The following GRM7 variants were observed in gnomAD, a reference collection of about 807,000 sequenced individuals.
The protein encoded by GRM7 is metabotropic glutamate receptor 7.
A neutral mutation model predicts 84.5 loss-of-function variants in GRM7; 35 were observed. The ratio of observed to expected loss-of-function variants is 0.41; its 90% CI spans 0.32 to 0.55. GRM7 has a LOEUF of 0.55. Among genes scored for constraint, GRM7 ranks in the 20% least tolerant of loss-of-function variants. GRM7 has a pLI of 0.19. For missense variants in GRM7, 1,003 were observed against 1,194.6 expected (o/e 0.84, Z 2.36); for synonymous variants, 487 against 455.1 (o/e 1.07, Z -0.89).
chr3:7,686,616 G>T (rs191907921), intron 9 of GRM7, among the ~76,000 whole-genome samples: 135 of 152,132 alleles, frequency 8.9e-4, no homozygotes, highest in African/African-American at 3.0e-3. Context: ...GCTGCCATTG[G>T]TCATATGCCT....
chr3:7,298,877 G>C (rs916839812), intron 3 of GRM7, 52 bp downstream of exon 3: 11 of 1,485,026 alleles, frequency 7.4e-6, no homozygotes, highest in Non-Finnish European at 1.0e-5. Context: ...TTTTAGGAGA[G>C]AGAAAGATTA....
intron 8 of GRM7, among the ~76,000 whole-genome samples, chr3:7,651,312 CA>C (rs1400534028): frequency 6.6e-6 from 1 of 152,202 alleles, no homozygotes; most frequent in Non-Finnish European, 1.5e-5. Flanking sequence ...CTTCCAAATG[CA>C]TCCTGTAAGC....
At chr3:7,542,556 T>G in intron 7 of GRM7, among the ~76,000 whole-genome samples, 1 of 151,462 alleles carries the variant, frequency 6.6e-6, no homozygotes, top group South Asian at 2.1e-4. Context: ...TAGCAATTTT[T>G]TTTTTTTTTT....
At chr3:7,526,350 G>A (rs61507150) in intron 7 of GRM7, among the ~76,000 whole-genome samples, 15,709 of 152,000 alleles carry the variant, frequency 0.1, 1,169 homozygotes, top group African/African-American at 0.21. Context: ...CTTCTTTTAA[G>A]AAGTGTCTGT....
intron 2 of GRM7, among the ~76,000 whole-genome samples, chr3:7,149,363 A>G (rs1694207154): frequency 6.6e-6 from 1 of 152,212 alleles, no homozygotes. Context: ...CACACATCCC[A>G]TGACCTCTAA....
At chr3:7,629,262 T>C (rs1331252565) in intron 8 of GRM7, among the ~76,000 whole-genome samples, 3 of 152,082 alleles carry the variant, frequency 2.0e-5, no homozygotes, top group Non-Finnish European at 4.4e-5. Context: ...GTAGGTAGAG[T>C]TGTATATTAG....
chr3:7,233,256 C>T (rs1403655627), intron 2 of GRM7, among the ~76,000 whole-genome samples: 1 of 152,070 alleles, frequency 6.6e-6, no homozygotes, highest in Non-Finnish European at 1.5e-5. Flanking sequence ...CTGCTTATTG[C>T]AGCTTTCCAA....
chr3:7,216,893 G>A (rs1696632672), intron 2 of GRM7, among the ~76,000 whole-genome samples: 1 of 151,950 alleles, frequency 6.6e-6, no homozygotes, highest in Non-Finnish European at 1.5e-5. Context: ...GTGTATTTGT[G>A]TAAATGCAGA....
At chr3:7,672,248 T>C (rs1379720558) in intron 8 of GRM7, among the ~76,000 whole-genome samples, 1 of 152,214 alleles carries the variant, frequency 6.6e-6, no homozygotes, top group East Asian at 1.9e-4. Context: ...TGACATTTAC[T>C]TCACAAATAT....
chr3:7,415,218 T>A, intron 5 of GRM7, 55 bp downstream of exon 5: 3 of 1,436,852 alleles, frequency 2.1e-6, no homozygotes, highest in Non-Finnish European at 2.9e-6. Context: ...AGCACTGACA[T>A]GTCTGCATAG....
intron 1 of GRM7, among the ~76,000 whole-genome samples, chr3:7,110,162 G>T (rs189991645): frequency 7.2e-5 from 11 of 152,150 alleles, no homozygotes; most frequent in Admixed American, 7.2e-4. Flanking sequence ...ATAGCCAAGT[G>T]ATTTACTATA....
intron 2 of GRM7, 49 bp from the exon 3 acceptor site, chr3:7,298,635 A>C (rs2125021374): frequency 6.5e-7 from 1 of 1,543,616 alleles, no homozygotes; most frequent in African/African-American, 1.4e-5. Context: ...GGCTCCTTTG[A>C]CATCTCTGTG....
Position 7,603,444 on chromosome 3 carries a change from C to T in GRM7, c.2451+24087C>T, listed in dbSNP as rs1696415623. Among the ~76,000 whole-genome samples the T allele has an allele frequency of 2.0e-5, 3 of 152,080 alleles. No individual in the cohort carries two copies. In the South Asian group the frequency reaches 6.2e-4, roughly 31 times the overall value. On this transcript the variant is annotated intron_variant, in intron 8 of 9. Coordinates refer to ENST00000357716, the MANE Select transcript of GRM7 (RefSeq NM_000844.4). The stretch of plus-strand genomic sequence containing the variant: ...TTATGACAAGTCACAGAGATCAGGA[C>T]CCTTGATAGGCCATAAATAGCACTG...
At chr3:7,614,280 A>G (rs1575557001) in intron 8 of GRM7, among the ~76,000 whole-genome samples, 1 of 152,258 alleles carries the variant, frequency 6.6e-6, no homozygotes, top group Non-Finnish European at 1.5e-5. Context: ...AAATAAATAA[A>G]TAAATTGTAA....
chr3:6,910,700 A>T (rs979486942), intron 1 of GRM7, among the ~76,000 whole-genome samples: 4 of 152,130 alleles, frequency 2.6e-5, no homozygotes, highest in Non-Finnish European at 5.9e-5. Flanking sequence ...GTTCTGGGCA[A>T]CATAGCAAGA....
At chr3:7,210,340 T>A (rs1399556515) in intron 2 of GRM7, among the ~76,000 whole-genome samples, 2 of 152,220 alleles carry the variant, frequency 1.3e-5, no homozygotes, top group African/African-American at 4.8e-5. Context: ...TTCCTACCGC[T>A]ATCTTATAAA....
At chr3:7,716,607 A>C (rs1260356228) in intron 9 of GRM7, among the ~76,000 whole-genome samples, 1 of 152,244 alleles carries the variant, frequency 6.6e-6, no homozygotes, top group Non-Finnish European at 1.5e-5. Flanking sequence ...ATGCAAAAAT[A>C]GAATGAAATT....
chr3:7,030,907 C>T (rs1050436011), intron 1 of GRM7, among the ~76,000 whole-genome samples: 1 of 152,130 alleles, frequency 6.6e-6, no homozygotes, highest in Admixed American at 6.5e-5. Context: ...CTCTGGCTCT[C>T]TTGAAGTGTA....
At chr3:7,227,883 T>G (rs1363468322) in intron 2 of GRM7, among the ~76,000 whole-genome samples, 3 of 151,966 alleles carry the variant, frequency 2.0e-5, no homozygotes, top group Admixed American at 6.6e-5. Flanking sequence ...ATTCCAGGAG[T>G]AGTCCCTAGG....
Sources: allele counts gnomAD v4.1 joint callset (sites outside exome capture counted in the v4.1 genomes callset), GRCh38; gene constraint gnomAD v4.1.1; transcripts MANE v1.5; gene names NCBI Gene and HGNC (gene_info 2026-07-23, HGNC 2026-07-21).